The following ISOC1 variants were observed in gnomAD, a reference collection of about 807,000 sequenced individuals.
ISOC1 encodes the protein isochorismatase domain-containing protein 1.
Under a neutral mutation model 30.0 loss-of-function variants are expected in ISOC1, and 33 were observed. That is an observed-to-expected ratio of 1.10 (90% CI 0.83 to 1.47). The LOEUF is 1.47. Ranked by LOEUF, ISOC1 falls within the 40% of genes most tolerant of loss-of-function variation. The pLI is 0.00. For synonymous variants in ISOC1, 178 were observed against 159.8 expected (o/e 1.11, Z -0.86); for missense variants, 372 against 388.0 (o/e 0.96, Z 0.35).
intron 1 of ISOC1, among the ~76,000 whole-genome samples, chr5:129,100,251 T>A (rs1171490980): frequency 2.8e-5 from 2 of 72,666 alleles, no homozygotes; most frequent in Non-Finnish European, 2.3e-5. Flanking sequence ...AGTAATTTGC[T>A]ATGGGCTGGG....
At chr5:129,107,095 C>A in intron 4 of ISOC1, 33 bp downstream of exon 4, 1 of 1,497,606 alleles carries the variant, frequency 6.7e-7, no homozygotes, top group South Asian at 1.1e-5. Flanking sequence ...GATCATTTGT[C>A]AAGTTTTCCA....
chr5:129,109,199 G>A lies in ISOC1; in HGVS notation c.750+2137G>A, dbSNP rs13436238. Among the ~76,000 whole-genome samples, 993 of 152,248 alleles carry A rather than the reference G, an allele frequency of 6.5e-3. 6 individuals carry two copies. Among genetic ancestry groups the A allele is most frequent in the Non-Finnish European group, 0.011 (764 of 68,018 alleles). ...TTTAGAGGCAATCTGTAATCTCTCG[G>A]ATTAGGAATCCACACAATGTGGGGA... On this transcript the variant is annotated intron_variant, in intron 4 of 4. Transcript: ENST00000173527.
intron 1 of ISOC1, among the ~76,000 whole-genome samples, chr5:129,099,376 A>G (rs1054865027): frequency 3.9e-5 from 6 of 152,134 alleles, no homozygotes; most frequent in Admixed American, 6.5e-5. Context: ...TCCCTTGGGG[A>G]TTTAGAAAAC....
chr5:129,104,578 A>G (rs1410824196), intron 1 of ISOC1, among the ~76,000 whole-genome samples: 1 of 152,168 alleles, frequency 6.6e-6, no homozygotes, highest in East Asian at 1.9e-4. Context: ...CATTATTGAA[A>G]TACTATTGAA....
intron 4 of ISOC1, among the ~76,000 whole-genome samples, chr5:129,108,120 C>T (rs1488951887): frequency 6.6e-6 from 1 of 152,022 alleles, no homozygotes; most frequent in African/African-American, 2.4e-5. Context: ...TTGTTGAGAC[C>T]CTCCAGTGTT....
chr5:129,103,308 T>C (rs1024305298), intron 1 of ISOC1, among the ~76,000 whole-genome samples: 4 of 152,224 alleles, frequency 2.6e-5, no homozygotes, highest in African/African-American at 9.6e-5. Flanking sequence ...TCCTAGTCAC[T>C]GCTTTTGAAA....
chr5:129,106,986 G>T lies in ISOC1; in HGVS notation c.674G>T (p.Gly225Val), dbSNP rs772419101. ...CIQQTALELV[G>V]RGVEVHIVAD... ...CAACAAACTGCCCTGGAGCTAGTTG[G>T]CCGAGGAGTCGAGGTTCACATTGTT... Residue 225 changes from glycine to valine, a missense_variant, in exon 4 of 5, where the codon GGC becomes GTC. Coordinates refer to ENST00000173527, the MANE Select transcript of ISOC1 (RefSeq NM_016048.2). 1 of 1,613,780 alleles carries T rather than the reference G, an allele frequency of 6.2e-7. No individual in the cohort carries two copies. Among genetic ancestry groups the T allele is most frequent in the South Asian group, 1.1e-5 (1 of 91,080 alleles).
intron 1 of ISOC1, among the ~76,000 whole-genome samples, chr5:129,101,312 ATG>A (rs1252083725): frequency 6.6e-6 from 1 of 151,002 alleles, no homozygotes; most frequent in Non-Finnish European, 1.5e-5. Context: ...CCTGGGCAAC[ATG>A]GTGAAACCCC....
At chr5:129,095,142 G>C in intron 1 of ISOC1, 67 bp downstream of exon 1, 1 of 1,427,698 alleles carries the variant, frequency 7.0e-7, no homozygotes, top group African/African-American at 1.4e-5. Flanking sequence ...CCCTGTCCCC[G>C]CCTTCGCCGC....
chr5:129,101,754 C>T (rs1299648847), intron 1 of ISOC1, among the ~76,000 whole-genome samples: 2 of 152,170 alleles, frequency 1.3e-5, no homozygotes, highest in African/African-American at 2.4e-5. Flanking sequence ...CCCTAATGTC[C>T]TTTTTCTGTT....
At chr5:129,101,161 C>CACAAAAAAAA (rs1753565493) in intron 1 of ISOC1, among the ~76,000 whole-genome samples, 1 of 19,506 alleles carries the variant, frequency 5.1e-5, no homozygotes, top group Non-Finnish European at 8.8e-5. Flanking sequence ...CTCAGCTAAT[C>CACAAAAAAAA]AAAAAAAAAA....
At chr5:129,098,001 A>G (rs1329498403) in intron 1 of ISOC1, among the ~76,000 whole-genome samples, 3 of 152,158 alleles carry the variant, frequency 2.0e-5, no homozygotes, top group African/African-American at 4.8e-5. Flanking sequence ...GTTTGGCCAC[A>G]TGTAGTTCAT....
intron 1 of ISOC1, among the ~76,000 whole-genome samples, chr5:129,101,357 G>A (rs1483262894): frequency 6.6e-6 from 1 of 151,484 alleles, no homozygotes; most frequent in Non-Finnish European, 1.5e-5. Context: ...TTAGCCGGGT[G>A]CAGTGGTGCA....
intron 1 of ISOC1, among the ~76,000 whole-genome samples, chr5:129,099,590 A>G (rs1327951959): frequency 6.6e-6 from 1 of 152,212 alleles, no homozygotes; most frequent in African/African-American, 2.4e-5. Flanking sequence ...TACTTTATAA[A>G]TCACTTTATG....
intron 3 of ISOC1, among the ~76,000 whole-genome samples, chr5:129,105,636 T>C (rs1753628308): frequency 6.6e-6 from 1 of 152,174 alleles, no homozygotes; most frequent in African/African-American, 2.4e-5. Flanking sequence ...GATACTAAAA[T>C]ACCGAGATGT....
intron 1 of ISOC1, 129 bp from the exon 2 acceptor site, chr5:129,104,827 G>A (rs912966761): frequency 6.1e-6 from 5 of 821,750 alleles, no homozygotes; most frequent in Non-Finnish European, 9.1e-6. Context: ...ACTTTTTTTG[G>A]ATAATAGCGG....
intron 1 of ISOC1, among the ~76,000 whole-genome samples, chr5:129,097,960 C>T (rs536529863): frequency 1.3e-5 from 2 of 152,078 alleles, no homozygotes; most frequent in African/African-American, 4.8e-5. Flanking sequence ...GATGGTTGGC[C>T]CCTTCTTGAA....
At chr5:129,111,588 T>C (rs1479636401) in intron 4 of ISOC1, among the ~76,000 whole-genome samples, 3 of 152,220 alleles carry the variant, frequency 2.0e-5, no homozygotes, top group African/African-American at 7.2e-5. Flanking sequence ...TCATGCTTTT[T>C]ACATATATGC....
chr5:129,101,017 G>A (rs1753563774), intron 1 of ISOC1, among the ~76,000 whole-genome samples: 1 of 79,028 alleles, frequency 1.3e-5, no homozygotes, highest in Non-Finnish European at 2.3e-5. Context: ...ATTCCCTATT[G>A]TTTTTGTTTG....
Sources: allele counts gnomAD v4.1 joint callset (sites outside exome capture counted in the v4.1 genomes callset), GRCh38; gene constraint gnomAD v4.1.1; transcripts MANE v1.5; gene names NCBI Gene and HGNC (gene_info 2026-07-23, HGNC 2026-07-21).